The following TRPC3 variants were observed in gnomAD, a reference collection of about 807,000 sequenced individuals.
The protein encoded by TRPC3 is transient receptor potential cation channel subfamily C member 3.
TRPC3 carries 54 observed loss-of-function variants against 90.9 expected under a neutral mutation model. The ratio of observed to expected loss-of-function variants is 0.59; its 90% CI spans 0.48 to 0.75. The LOEUF (loss-of-function observed/expected upper bound fraction) is 0.75. TRPC3 is among the 30% of genes least tolerant of loss of function. The probability of loss-of-function intolerance (pLI) is 0.00; values close to 1 mark genes in which losing one functional copy is unlikely to be tolerated. For missense variants in TRPC3, 918 were observed against 1,194.5 expected (o/e 0.77, Z 3.41); for synonymous variants, 424 against 450.9 (o/e 0.94, Z 0.75).
chr4:121,926,989 T>A (rs1025775172), intron 2 of TRPC3, among the ~76,000 whole-genome samples: 3 of 152,182 alleles, frequency 2.0e-5, no homozygotes, highest in African/African-American at 7.2e-5. Context: ...AATAACTGGT[T>A]TATAGCGAAT....
At chr4:121,884,504 A>T (rs964915634) in intron 10 of TRPC3, among the ~76,000 whole-genome samples, 8 of 152,240 alleles carry the variant, frequency 5.3e-5, no homozygotes, top group Admixed American at 1.3e-4. Flanking sequence ...TGTATATAAA[A>T]GATAACAAAG....
At chr4:121,914,534 T>C (rs1270102041) in intron 4 of TRPC3, among the ~76,000 whole-genome samples, 2 of 152,226 alleles carry the variant, frequency 1.3e-5, no homozygotes, top group Admixed American at 6.5e-5. Flanking sequence ...CTGTCTACCA[T>C]GAGGATTTTA....
chr4:121,922,543 C>G (rs1006350285), intron 3 of TRPC3, among the ~76,000 whole-genome samples: 1 of 152,216 alleles, frequency 6.6e-6, no homozygotes, highest in Admixed American at 6.5e-5. Flanking sequence ...TACTTTGTAA[C>G]CTACATGCCA....
chr4:121,936,288 A>G (rs1730124581), intron 1 of TRPC3, among the ~76,000 whole-genome samples: 1 of 152,258 alleles, frequency 6.6e-6, no homozygotes, highest in Non-Finnish European at 1.5e-5. Flanking sequence ...CTCTTCTAGC[A>G]TGAAAAATAA....
At chr4:121,890,351 A>T (rs1368610204) in intron 10 of TRPC3, among the ~76,000 whole-genome samples, 1 of 152,236 alleles carries the variant, frequency 6.6e-6, no homozygotes, top group East Asian at 1.9e-4. Flanking sequence ...TGATAAATGA[A>T]CAAGGTGATG....
chr4:121,907,419 T>C lies in TRPC3; in HGVS notation c.1941A>G (p.Val647=). ...GPLQISLGRT[V]KDIFKFMVLF... is the part of the protein sequence containing the mutation. ...GGACCATGAACTTGAATATGTCCTTTACAGTCCTTCCAAGAGAGATCTGCA... is the reference window on the plus strand; with the variant it reads ...GGACCATGAACTTGAATATGTCCTTCACAGTCCTTCCAAGAGAGATCTGCA... Residue 647 remains valine, a synonymous_variant, in exon 7 of 12, where the codon GTA becomes GTG. Transcript: ENST00000379645. 1 of 1,613,470 alleles carries C rather than the reference T, an allele frequency of 6.2e-7. No homozygotes were observed. The highest frequency in any genetic ancestry group is 8.5e-7 in the Non-Finnish European group (1 of 1,179,574).
Position 121,902,868 on chromosome 4 carries a change from C to T in TRPC3, c.2447G>A (p.Gly816Asp), listed in dbSNP as rs200465648. 4.8e-5 allele frequency: 78 copies of T among 1,610,224 alleles called. 1 individual carries two copies. In the South Asian group the frequency reaches 8.0e-4, roughly 16 times the overall value. The change falls in exon 9 of 12, where the codon GGT (glycine) becomes GAT (aspartate). Residue 816 changes from glycine to aspartate, a missense_variant. Physicochemically the swap from Gly to Asp is moderately conservative, Grantham distance 94. Coordinates refer to ENST00000379645, the MANE Select transcript of TRPC3 (RefSeq NM_001130698.2). Reference protein sequence around the residue: ...RLQKDIEMGMGNSKSRLNLFT... With the variant: ...RLQKDIEMGMDNSKSRLNLFT... Reference sequence around the variant, plus strand: ...GATACCTACCCTGGACTTTGAGTTACCCATTCCCATTTCTATATCCTTCTG... The same window carrying T: ...GATACCTACCCTGGACTTTGAGTTATCCATTCCCATTTCTATATCCTTCTG...
rs1337527237 is a variant in TRPC3 at position 121,937,207 on chromosome 4, A to C, written c.216-4165T>G. 2.6e-5 allele frequency among the ~76,000 whole-genome samples: 4 copies of C among 152,196 alleles called. No homozygotes were observed. The East Asian group carries it at 5.8e-4, about 22-fold the overall frequency. On this transcript the variant is annotated intron_variant, in intron 1 of 11. Transcript: ENST00000379645. The stretch of plus-strand genomic sequence containing the variant: ...TTTCTGGGCCCCATTCAGATGAACT[A>C]AATCAGAATCTCTCACGGTTGGACC...
intron 3 of TRPC3, among the ~76,000 whole-genome samples, chr4:121,921,773 G>A (rs966506535): frequency 7.9e-5 from 12 of 152,048 alleles, no homozygotes; most frequent in African/African-American, 2.4e-4. Context: ...AACCCAAGAC[G>A]TGGTTTTGCT....
intron 1 of TRPC3, among the ~76,000 whole-genome samples, chr4:121,935,932 TC>T (rs1339324627): frequency 6.6e-6 from 1 of 152,222 alleles, no homozygotes; most frequent in Non-Finnish European, 1.5e-5. Context: ...TTTACGGTTT[TC>T]CTTAATACTT....
chr4:121,949,890 C>A (rs1730625453), intron 1 of TRPC3, among the ~76,000 whole-genome samples: 1 of 152,182 alleles, frequency 6.6e-6, no homozygotes, highest in South Asian at 2.1e-4. Flanking sequence ...ATAATCTCTG[C>A]TCCGCCCTAC....
intron 10 of TRPC3, among the ~76,000 whole-genome samples, chr4:121,891,560 A>C (rs957346628): frequency 3.3e-5 from 5 of 152,202 alleles, no homozygotes; most frequent in Admixed American, 1.3e-4. Flanking sequence ...AAAAAGTAGC[A>C]AACACAGAAA....
intron 4 of TRPC3, among the ~76,000 whole-genome samples, chr4:121,913,535 A>G (rs1343076350): frequency 6.6e-6 from 1 of 152,250 alleles, no homozygotes; most frequent in African/African-American, 2.4e-5. Context: ...TGGCTACTTC[A>G]AACCTGATGG....
chr4:121,903,909 A>C (rs1284762646), intron 8 of TRPC3, among the ~76,000 whole-genome samples: 9 of 152,158 alleles, frequency 5.9e-5, no homozygotes, highest in Non-Finnish European at 8.8e-5. Flanking sequence ...AAAACCAAGA[A>C]TCAAGTGATT....
At chr4:121,910,793 G>C (rs1358102411) in intron 5 of TRPC3, among the ~76,000 whole-genome samples, 1 of 152,162 alleles carries the variant, frequency 6.6e-6, no homozygotes, top group East Asian at 1.9e-4. Flanking sequence ...TCAAACCATA[G>C]TGATTATTGG....
intron 1 of TRPC3, among the ~76,000 whole-genome samples, chr4:121,936,645 G>A (rs1730138391): frequency 6.6e-6 from 1 of 152,168 alleles, no homozygotes; most frequent in Admixed American, 6.5e-5. Flanking sequence ...GAAATCATAG[G>A]ATCATAAAGA....
intron 3 of TRPC3, among the ~76,000 whole-genome samples, chr4:121,921,892 A>C (rs186592163): frequency 5.4e-5 from 8 of 149,310 alleles, no homozygotes; most frequent in Admixed American, 4.0e-4. Flanking sequence ...AAAACGAAGG[A>C]AGCCTTTGTT....
At chr4:121,926,704 G>A (rs1729728427) in intron 2 of TRPC3, among the ~76,000 whole-genome samples, 1 of 152,136 alleles carries the variant, frequency 6.6e-6, no homozygotes, top group Admixed American at 6.5e-5. Context: ...ACCGCACCCG[G>A]CCTCATTTTC....
intron 1 of TRPC3, among the ~76,000 whole-genome samples, chr4:121,937,217 C>T (rs1322044151): frequency 2.6e-5 from 4 of 152,158 alleles, no homozygotes; most frequent in African/African-American, 4.8e-5. Context: ...AAATCAGAAT[C>T]TCTCACGGTT....
Sources: gnomAD v4.1 joint callset for allele counts (sites outside exome capture counted in the v4.1 genomes callset) on GRCh38, gnomAD v4.1.1 for gene constraint, MANE v1.5 for transcripts, NCBI Gene and HGNC (gene_info 2026-07-23, HGNC 2026-07-21) for gene names.